The following NOL4 variants were observed in gnomAD, a reference collection of about 807,000 sequenced individuals.
The protein encoded by NOL4 is nucleolar protein 4, also known as cancer/testis antigen 125.
In NOL4, 17 loss-of-function variants were observed where a neutral mutation model predicts 75.9. The observed-to-expected ratio is 0.22, with a 90% CI of 0.15 to 0.34. NOL4 has a LOEUF of 0.34. Ranked by LOEUF, NOL4 falls within the 10% of genes least tolerant of loss-of-function variation. The pLI is 1.00. For missense variants in NOL4, 614 were observed against 793.5 expected, an observed-to-expected ratio of 0.77 and a Z score of 2.72; for synonymous variants, 292 against 289.9, an observed-to-expected ratio of 1.01 and a Z score of -0.07.
intron 5 of NOL4, among the ~76,000 whole-genome samples, chr18:34,050,796 C>T (rs1013181547): frequency 6.6e-6 from 1 of 151,972 alleles, no homozygotes; most frequent in African/African-American, 2.4e-5. Flanking sequence ...GCACTTTTCA[C>T]AAAACAAGTT....
intron 1 of NOL4, among the ~76,000 whole-genome samples, chr18:34,169,575 C>T (rs929381717): frequency 3.3e-5 from 5 of 151,498 alleles, no homozygotes; most frequent in African/African-American, 1.2e-4. Flanking sequence ...AGGCAAGCTC[C>T]AAATATATGC....
At chr18:33,883,069 G>A (rs1246260803) in intron 10 of NOL4, among the ~76,000 whole-genome samples, 175 bp downstream of exon 10, 1 of 147,070 alleles carries the variant, frequency 6.8e-6, no homozygotes. Context: ...GGTGGAGGGA[G>A]GGGGGAGCGA....
chr18:34,008,834 G>A (rs2074208076), intron 6 of NOL4, among the ~76,000 whole-genome samples: 1 of 151,980 alleles, frequency 6.6e-6, no homozygotes, highest in South Asian at 2.1e-4. Flanking sequence ...CTGCATAGCT[G>A]GGAGTTCAGG....
chr18:33,891,788 C>T (rs1169029925), intron 9 of NOL4, among the ~76,000 whole-genome samples: 1 of 152,054 alleles, frequency 6.6e-6, no homozygotes, highest in Admixed American at 6.6e-5. Context: ...TTAAAAATTC[C>T]CTTCTTTCAT....
Position 33,914,658 on chromosome 18 carries a change from C to T in NOL4, c.1542+28407G>A, listed in dbSNP as rs974841949. 3.9e-5 allele frequency among the ~76,000 whole-genome samples: 6 copies of T among 151,976 alleles called. No individual in the cohort carries two copies. In the South Asian group the frequency reaches 1.2e-3, roughly 31 times the overall value. On this transcript the variant is annotated intron_variant, in intron 9 of 10. Coordinates refer to ENST00000261592, the MANE Select transcript of NOL4 (RefSeq NM_003787.5). ...GGTAAGAACAGTGTGGGCAGATTGACTTTTGGACATATTTTGAAGGTAGTG... is the reference window on the plus strand; with the variant it reads ...GGTAAGAACAGTGTGGGCAGATTGATTTTTGGACATATTTTGAAGGTAGTG...
rs151157927 is a variant in NOL4 at position 34,046,307 on chromosome 18, G to A, written c.773-26706C>T. Among the ~76,000 whole-genome samples, 865 of 151,946 alleles carry A rather than the reference G, an allele frequency of 5.7e-3. 6 individuals are homozygous for A. The highest frequency in any genetic ancestry group is 9.1e-3 in the Non-Finnish European group (621 of 67,950). Reference sequence around the variant, plus strand: ...ATTGCCTTTCGAGAGAGAATCTGACGATGGAGGATGACCTGGTCCTCACCA... The same window carrying A: ...ATTGCCTTTCGAGAGAGAATCTGACAATGGAGGATGACCTGGTCCTCACCA... On this transcript the variant is annotated intron_variant, in intron 5 of 10. Transcript: ENST00000261592.
intron 9 of NOL4, among the ~76,000 whole-genome samples, chr18:33,938,480 G>C (rs1288256738): frequency 2.0e-5 from 3 of 152,112 alleles, no homozygotes; most frequent in Non-Finnish European, 4.4e-5. Context: ...CATTCTAACA[G>C]GTGTGAGATG....
At position 34,015,963 on chromosome 18, in the gene NOL4, C is replaced by T. The variant is rs142007215; in HGVS notation, c.1056+3355G>A. ...CAAAGTATTGAGAAACATCTATGGACGAGATAGTAAGCCAGGTGTAAGGCA... is the reference window on the plus strand; with the variant it reads ...CAAAGTATTGAGAAACATCTATGGATGAGATAGTAAGCCAGGTGTAAGGCA... On this transcript the variant is annotated intron_variant, in intron 6 of 10. Coordinates refer to ENST00000261592, the MANE Select transcript of NOL4 (RefSeq NM_003787.5). Among the ~76,000 whole-genome samples the T allele has an allele frequency of 2.6e-4, 40 of 152,050 alleles. No homozygotes were observed. In the East Asian group the frequency reaches 3.3e-3, roughly 13 times the overall value.
At chr18:33,934,748 T>C (rs2067939704) in intron 9 of NOL4, among the ~76,000 whole-genome samples, 2 of 152,256 alleles carry the variant, frequency 1.3e-5, no homozygotes, top group South Asian at 4.1e-4. Flanking sequence ...GATTAGGATT[T>C]GGTGTAAGGG....
intron 8 of NOL4, among the ~76,000 whole-genome samples, chr18:33,949,960 A>G (rs1186120511): frequency 6.6e-6 from 1 of 151,882 alleles, no homozygotes; most frequent in East Asian, 1.9e-4. Flanking sequence ...TTTTAACTAC[A>G]TGATCCTTTA....
chr18:34,044,535 G>A (rs2076278658), intron 5 of NOL4, among the ~76,000 whole-genome samples: 2 of 152,034 alleles, frequency 1.3e-5, no homozygotes, highest in South Asian at 4.1e-4. Flanking sequence ...AAAAATACAT[G>A]ACAAGTTTTC....
At position 34,019,535 on chromosome 18, in the gene NOL4, C is replaced by T; in HGVS notation, c.839G>A (p.Gly280Glu). Reference protein sequence around the residue: ...TLGHSSIASGGTHSREMGDSN... With the variant: ...TLGHSSIASGETHSREMGDSN... ...GTCTCCCATCTCCCTGCTGTGTGTTCCCCCTGAAGCAATTGAACTGTGCCC... is the reference window on the plus strand; with the variant it reads ...GTCTCCCATCTCCCTGCTGTGTGTTTCCCCTGAAGCAATTGAACTGTGCCC... Residue 280 changes from glycine (G) to glutamate (E), a missense_variant, in exon 6 of 11, where the codon GGA becomes GAA. Transcript: ENST00000261592. 2 of 1,613,972 alleles carry T rather than the reference C, an allele frequency of 1.2e-6. No individual in the cohort carries two copies. The highest frequency in any genetic ancestry group is 1.6e-4 in the Middle Eastern group (1 of 6,062).
intron 9 of NOL4, among the ~76,000 whole-genome samples, chr18:33,894,885 G>A (rs1017818047): frequency 3.3e-5 from 5 of 152,028 alleles, no homozygotes; most frequent in African/African-American, 9.7e-5. Context: ...AGACAGACAC[G>A]AAGAACAGGT....
intron 4 of NOL4, among the ~76,000 whole-genome samples, chr18:34,097,575 G>A (rs1033852755): frequency 6.6e-6 from 1 of 152,198 alleles, no homozygotes; most frequent in African/African-American, 2.4e-5. Context: ...CTAGTCGTAT[G>A]TGGCTGTTGA....
At chr18:33,933,296 C>A (rs1478084429) in intron 9 of NOL4, among the ~76,000 whole-genome samples, 1 of 152,090 alleles carries the variant, frequency 6.6e-6, no homozygotes, top group Non-Finnish European at 1.5e-5. Context: ...GAGTCAAAAT[C>A]TTTTTGCTGA....
At chr18:34,178,547 G>A (rs2033756386) in intron 1 of NOL4, among the ~76,000 whole-genome samples, 1 of 151,614 alleles carries the variant, frequency 6.6e-6, no homozygotes, top group African/African-American at 2.4e-5. Context: ...AAAGAGAAGT[G>A]GAGAGGTTAT....
intron 6 of NOL4, among the ~76,000 whole-genome samples, chr18:33,966,227 T>TTTA (rs1433320439): frequency 1.3e-5 from 2 of 152,252 alleles, no homozygotes; most frequent in Admixed American, 1.3e-4. Flanking sequence ...AAAGTTACTA[T>TTTA]TTATTTAAGA....
intron 9 of NOL4, among the ~76,000 whole-genome samples, chr18:33,937,926 A>G (rs2068179038): frequency 6.6e-6 from 1 of 152,122 alleles, no homozygotes; most frequent in South Asian, 2.1e-4. Context: ...TAGTTATAGT[A>G]AAGTACAAAA....
chr18:34,050,079 G>C (rs566849267), intron 5 of NOL4, among the ~76,000 whole-genome samples: 20 of 152,166 alleles, frequency 1.3e-4, no homozygotes, highest in African/African-American at 4.3e-4. Context: ...AGTAAAAAAT[G>C]CTGTTAAATT....
Sources: gnomAD v4.1 joint callset for allele counts (sites outside exome capture counted in the v4.1 genomes callset) on GRCh38, gnomAD v4.1.1 for gene constraint, MANE v1.5 for transcripts, NCBI Gene and HGNC (gene_info 2026-07-23, HGNC 2026-07-21) for gene names.